SCRIB: variants seen among roughly 807,000 people sequenced by gnomAD.
The protein encoded by SCRIB is protein scribble homolog.
SCRIB carries 72 observed loss-of-function variants against 170.0 expected under a neutral mutation model. The ratio of observed to expected loss-of-function variants is 0.42; its 90% CI spans 0.35 to 0.52. The LOEUF is 0.52. Ranked by LOEUF, SCRIB falls within the 20% of genes least tolerant of loss-of-function variation. The pLI is 0.02. For synonymous variants in SCRIB, 1,298 were observed against 1,044.3 expected, an observed-to-expected ratio of 1.24 and a Z score of -4.68; for missense variants, 2,475 against 2,338.5, an observed-to-expected ratio of 1.06 and a Z score of -1.20.
chr8:143,815,721 T>C lies in SCRIB; in HGVS notation c.-349A>G, dbSNP rs930179816. The C allele has an allele frequency of 1.0e-6, 1 of 983,552 alleles. No individual in the cohort carries two copies. The highest frequency in any genetic ancestry group is 1.8e-5 in the African/African-American group (1 of 56,922). The allele number at this position is 983,552 out of a possible 1,614,324, so 60.9% of individuals were successfully genotyped here. A position where few individuals can be genotyped will look rare whatever the true frequency, so the allele number is the denominator to read the frequency against. Reference sequence around the variant, plus strand: ...CCGGAACCGCCGCTGCCCGCCGGACTGCCCCGCCGACACCCACCCGGCCGC... The same window carrying C: ...CCGGAACCGCCGCTGCCCGCCGGACCGCCCCGCCGACACCCACCCGGCCGC... On this transcript the variant is annotated 5_prime_UTR_variant, in exon 1 of 37. Transcript: ENST00000356994.
At chr8:143,803,612 G>A in intron 23 of SCRIB, 35 bp downstream of exon 23, 1 of 1,554,248 alleles carries the variant, frequency 6.4e-7, no homozygotes, top group Non-Finnish European at 8.7e-7. Context: ...GTTGGGGGGT[G>A]GGGCCCAGGG....
rs145935564 is a variant in SCRIB at position 143,795,452 on chromosome 8, C to T, written c.3682G>A (p.Asp1228Asn). 35 of 1,613,094 alleles carry T rather than the reference C, an allele frequency of 2.2e-5. No individual in the cohort carries two copies. Among genetic ancestry groups the T allele is most frequent in the Admixed American group, 6.7e-5 (4 of 59,978 alleles). ...GGGCCCTCAGGGCTCAGCTCCCGGT[C>T]GATGGAAGAGATGCTCTCCAGGCTG... Reference protein sequence around the residue: ...RNSLESISSIDRELSPEGPGK... With the variant: ...RNSLESISSINRELSPEGPGK... The change falls in exon 25 of 37, where the codon GAC (aspartate) becomes AAC (asparagine). Residue 1228 changes from aspartate to asparagine, a missense_variant. Coordinates refer to ENST00000356994, the MANE Select transcript of SCRIB (RefSeq NM_182706.5).
intron 24 of SCRIB, among the ~76,000 whole-genome samples, chr8:143,798,404 T>C (rs1279024659): frequency 2.1e-5 from 2 of 95,634 alleles, no homozygotes; most frequent in Non-Finnish European, 6.1e-5. Flanking sequence ...CCAGGCAGGG[T>C]GAACCCTCAG....
At position 143,804,509 on chromosome 8, in the gene SCRIB, G is replaced by A. The variant is rs534335925; in HGVS notation, c.3009+59C>T. 970 of 1,464,670 alleles carry A rather than the reference G, an allele frequency of 6.6e-4. 18 individuals are homozygous for A. The South Asian group carries it at 0.013, about 20-fold the overall frequency. 90.7% of individuals were successfully genotyped at this position (1,464,670 alleles called of 1,614,324 possible). The stretch of plus-strand genomic sequence containing the variant: ...AAGGCCATAAGAGAGCAGGTCCTGG[G>A]AAGGCCAGTGCCCACAGCTGAAGCT... On this transcript the variant is annotated intron_variant, in intron 21 of 36. Coordinates refer to ENST00000356994, the MANE Select transcript of SCRIB (RefSeq NM_182706.5).
Position 143,808,795 on chromosome 8 carries a change from C to A in SCRIB, c.1929G>T (p.Gly643=). The A allele has an allele frequency of 1.2e-6, 2 of 1,611,784 alleles. No individual in the cohort carries two copies. The highest frequency in any genetic ancestry group is 1.7e-6 in the Non-Finnish European group (2 of 1,179,024). The part of the protein sequence containing the change: ...QPDGEGPVAP[G]GWHNGPHAPW... ...GTGCGTGGGGGCCATTGTGCCAGCC[C>A]CCGGGAGCCACAGGGCCCTCCCCAT... Residue 643 remains glycine (G), a synonymous_variant, in exon 15 of 37, where the codon GGG becomes GGT. Coordinates refer to ENST00000356994, the MANE Select transcript of SCRIB (RefSeq NM_182706.5).
At chr8:143,805,617 TCCCCTA>T (rs1815391706) in intron 18 of SCRIB, among the ~76,000 whole-genome samples, 182 bp from the exon 19 acceptor site, 1 of 151,824 alleles carries the variant, frequency 6.6e-6, no homozygotes, top group Non-Finnish European at 1.5e-5. Context: ...CACCGACCCC[TCCCCTA>T]CCAGGTCCTC....
In SCRIB at chr8:143,792,965, C is replaced by T; in HGVS notation, c.4017+11G>A. On this transcript the variant is annotated intron_variant, in intron 29 of 36. Transcript: ENST00000356994. ...CCACGCGCAGCAGGGAGGCGTGCTG[C>T]CCCCACACACCTGGGCAGGGGCATC... is the stretch of plus-strand genomic sequence containing the variant. The T allele has an allele frequency of 6.7e-7, 1 of 1,498,084 alleles. No homozygotes were observed. The highest frequency in any genetic ancestry group is 8.9e-7 in the Non-Finnish European group (1 of 1,124,588). The allele number at this position is 1,498,084 out of a possible 1,614,324, so 92.8% of individuals were successfully genotyped here.
At position 143,804,082 on chromosome 8, in the gene SCRIB, C is replaced by A. The variant is rs544041821; in HGVS notation, c.3084G>T (p.Pro1028=). The part of the protein sequence containing the change: ...IVGGSDHSSH[P]FGVQEPGVFI... ...ACACACCAGGCTCCTGGACACCAAA[C>A]GGGTGGCTGGAATGGTCGGAGCCTC... The change falls in exon 22 of 37, where the codon CCG becomes CCT. Residue 1028 remains proline (P), a synonymous_variant. Transcript: ENST00000356994. 4.3e-6 allele frequency: 7 copies of A among 1,612,460 alleles called. No individual in the cohort carries two copies. In the African/African-American group the frequency reaches 6.7e-5, roughly 15 times the overall value.
intron 18 of SCRIB, among the ~76,000 whole-genome samples, chr8:143,806,037 C>T (rs1214231862): frequency 1.3e-5 from 2 of 152,142 alleles, no homozygotes; most frequent in Non-Finnish European, 2.9e-5. Context: ...GTCCAAACCC[C>T]ACCAGACCTG....
rs1820066851 is a variant in SCRIB at position 143,791,286 on chromosome 8, T to G, written c.4845A>C (p.Glu1615Asp). 2 of 1,551,172 alleles carry G rather than the reference T, an allele frequency of 1.3e-6. No individual in the cohort carries two copies. Among genetic ancestry groups the G allele is most frequent in the Admixed American group, 2.0e-5 (1 of 50,098 alleles). Residue 1615 changes from glutamate to aspartate, a missense_variant, in exon 37 of 37, where the codon GAA (glutamate) becomes GAC (aspartate). By Grantham distance (45) the Glu-to-Asp change is conservative (BLOSUM62 2). This residue lies in a region of SCRIB where 1,966 missense variants were observed against 1,742.9 expected (regional missense o/e 1.13). Coordinates refer to ENST00000356994, the MANE Select transcript of SCRIB (RefSeq NM_182706.5). Reference protein sequence around the residue: ...PSPGPQEEDGEVALVLLGRPS... With the variant: ...PSPGPQEEDGDVALVLLGRPS... Reference sequence around the variant, plus strand: ...GCCTGCCCAGAAGCACCAGAGCCACTTCTCCATCCTCCTCCTGCGGGCCTG... The same window carrying G: ...GCCTGCCCAGAAGCACCAGAGCCACGTCTCCATCCTCCTCCTGCGGGCCTG...
chr8:143,808,238 C>T (rs947208437), intron 15 of SCRIB, among the ~76,000 whole-genome samples: 23 of 152,192 alleles, frequency 1.5e-4, no homozygotes, highest in African/African-American at 5.3e-4. Flanking sequence ...CTGTGAACTC[C>T]GTGCCCGCCA....
chr8:143,804,881 C>CGGGGCGGGGCAGGGGGGATGGG, intron 20 of SCRIB, 53 bp downstream of exon 20: 1 of 282,410 alleles, frequency 3.5e-6, no homozygotes. Flanking sequence ...ACAGAGGGCG[C>CGGGGCGGGGCAGGGGGGATGGG]GGGGCGGGGC....
At position 143,813,120 on chromosome 8, in the gene SCRIB, G is replaced by A. The variant is rs767010930; in HGVS notation, c.568-16C>T. On this transcript the variant is annotated splice_polypyrimidine_tract_variant and intron_variant, in intron 6 of 36. Coordinates refer to ENST00000356994, the MANE Select transcript of SCRIB (RefSeq NM_182706.5). ...GAGTGTCTGGCTGCAAGAAGGAACA[G>A]AGAAAATAGTGACTATGAGGCAAAG... The A allele has an allele frequency of 5.5e-5, 87 of 1,573,134 alleles. No homozygotes were observed. The highest frequency in any genetic ancestry group is 7.1e-5 in the Non-Finnish European group (82 of 1,157,694).
chr8:143,799,917 G>A (rs1257688992), intron 24 of SCRIB, among the ~76,000 whole-genome samples: 1 of 152,098 alleles, frequency 6.6e-6, no homozygotes, highest in Non-Finnish European at 1.5e-5. Context: ...ACAGTGAGAA[G>A]AAAGTTACAG....
rs773591724 is a variant in SCRIB, at chr8:143,813,523, G to A, written c.450C>T (p.Leu150=). The change falls in exon 5 of 37, where the codon CTC becomes CTT. Residue 150 remains leucine (L), a synonymous_variant. Coordinates refer to ENST00000356994, the MANE Select transcript of SCRIB (RefSeq NM_182706.5). The part of the protein sequence containing the change: ...LQALPGDVGN[L]ANLVTLELRE... ...GGAGCTCCAGGGTCACCAGGTTGGC[G>A]AGGCTGAAAGAGAGACCAGGCGCTG... The A allele has an allele frequency of 2.0e-5, 32 of 1,613,162 alleles. No individual in the cohort carries two copies. The highest frequency in any genetic ancestry group is 1.2e-4 in the African/African-American group (9 of 74,952).
Position 143,805,297 on chromosome 8 carries a change from G to A in SCRIB, c.2485C>T (p.Arg829Trp), listed in dbSNP as rs781821789. 9.7e-6 allele frequency: 15 copies of A among 1,548,002 alleles called. No individual in the cohort carries two copies. Among genetic ancestry groups the A allele is most frequent in the Admixed American group, 5.7e-5 (3 of 52,908 alleles). The part of the protein sequence containing the change: ...PENAVTITPL[R>W]PEDDYSPRER... ...CGGGGGCTGTAATCATCCTCGGGCC[G>A]CAGCGGCGTGATGGTGACCGCGTTC... The change falls in exon 19 of 37, where the codon CGG (arginine) becomes TGG (tryptophan). Residue 829 changes from arginine to tryptophan, a missense_variant. By Grantham distance (101) the Arg-to-Trp change is moderately radical (BLOSUM62 -3). Around this residue, in one of 3 missense-constraint regions of SCRIB, gnomAD observed 1,966 missense variants for 1,742.9 expected, o/e 1.13. Transcript: ENST00000356994.
rs1339777934 is a variant in SCRIB, at chr8:143,813,904, A to G, written c.278-8T>C. 2 of 1,606,600 alleles carry G rather than the reference A, an allele frequency of 1.2e-6. No homozygotes were observed. Among genetic ancestry groups the G allele is most frequent in the Non-Finnish European group, 1.7e-6 (2 of 1,174,968 alleles). ...CCGGGATCTCAGGGATATCTGTCAC[A>G]GAGGGTCACAGTGGACAGATGCCAT... On this transcript the variant is annotated splice_polypyrimidine_tract_variant and splice_region_variant and intron_variant, in intron 2 of 36. Coordinates refer to ENST00000356994, the MANE Select transcript of SCRIB (RefSeq NM_182706.5).
rs782498175 is a variant in SCRIB at position 143,791,663 on chromosome 8, T to G, written c.4770+3A>C. The G allele has an allele frequency of 6.2e-6, 10 of 1,604,612 alleles. No homozygotes were observed. The highest frequency in any genetic ancestry group is 1.3e-5 in the African/African-American group (1 of 74,632). On this transcript the variant is annotated splice_donor_region_variant and intron_variant, in intron 35 of 36. Transcript: ENST00000356994. ...GGCATGCAGAGGCCTGGAGGCCAGG[T>G]ACCTGGATGTCATAGACAGGTCTGG...
chr8:143,805,303 G>A lies in SCRIB; in HGVS notation c.2479C>T (p.Pro827Ser), dbSNP rs781892146. Residue 827 changes from proline (P) to serine (S), a missense_variant, in exon 19 of 37, where the codon CCG (proline) becomes TCG (serine). By Grantham distance (74) the Pro-to-Ser change is moderately conservative. This residue lies in a region of SCRIB where 1,966 missense variants were observed against 1,742.9 expected (regional missense o/e 1.13). Transcript: ENST00000356994. Reference protein sequence around the residue: ...VEPENAVTITPLRPEDDYSPR... With the variant: ...VEPENAVTITSLRPEDDYSPR... ...CTGTAATCATCCTCGGGCCGCAGCGGCGTGATGGTGACCGCGTTCTCAGGC... is the reference window on the plus strand; with the variant it reads ...CTGTAATCATCCTCGGGCCGCAGCGACGTGATGGTGACCGCGTTCTCAGGC... 2 of 1,547,678 alleles carry A rather than the reference G, an allele frequency of 1.3e-6. No homozygotes were observed. The highest frequency in any genetic ancestry group is 3.8e-5 in the Admixed American group (2 of 52,884).
Sources: allele counts gnomAD v4.1 joint callset (sites outside exome capture counted in the v4.1 genomes callset), GRCh38; gene constraint gnomAD v4.1.1; regional missense constraint gnomAD v4.1.1; transcripts MANE v1.5; gene names NCBI Gene and HGNC (gene_info 2026-07-23, HGNC 2026-07-21).